Variants in CALCOCO1 observed in about 807,000 individuals in gnomAD.
CALCOCO1 encodes calcium-binding and coiled-coil domain-containing protein 1.
Under a neutral mutation model 86.3 loss-of-function variants are expected in CALCOCO1, and 44 were observed. That is an observed-to-expected ratio of 0.51 (90% CI 0.40 to 0.66). The LOEUF (loss-of-function observed/expected upper bound fraction) is 0.66, where lower values mean the gene tolerates loss of function less well. CALCOCO1 is among the 30% of genes least tolerant of loss of function. The pLI, the probability that CALCOCO1 is intolerant of heterozygous loss-of-function variation, is 0.00. For synonymous variants in CALCOCO1, 297 were observed against 327.6 expected, an observed-to-expected ratio of 0.91 and a Z score of 1.01; for missense variants, 708 against 851.1, an observed-to-expected ratio of 0.83 and a Z score of 2.09.
Position 53,712,043 on chromosome 12 carries a change from A to C in CALCOCO1, c.1977T>G (p.Cys659Trp). 1 of 1,612,434 alleles carries C rather than the reference A, an allele frequency of 6.2e-7. No homozygotes were observed. Among genetic ancestry groups the C allele is most frequent in the South Asian group, 1.1e-5 (1 of 90,774 alleles). ...CACTCTCAGCAGGAAAGCGCTCCTT[A>C]CAGATAGGACACTCCTTCCATGTGG... ...ATPTWKECPI[C>W]KERFPAESDK... The change falls in exon 15 of 15, where the codon TGT becomes TGG. Residue 659 changes from cysteine (C) to tryptophan (W), a missense_variant. By Grantham distance (215) the Cys-to-Trp change is radical. Transcript: ENST00000550804.
In CALCOCO1 at chr12:53,715,317, C is replaced by T. The variant is rs774658897; in HGVS notation, c.1269G>A (p.Lys423=). 6.2e-7 allele frequency: 1 copy of T among 1,614,014 alleles called. No individual in the cohort carries two copies. The highest frequency in any genetic ancestry group is 1.3e-5 in the African/African-American group (1 of 74,906). ...CTGCACTCAGCTTCAGGATCTTGTC[C>T]TTCTCTGCCTGAGAGATAGCCAAGA... is the stretch of plus-strand genomic sequence containing the variant. The part of the protein sequence containing the change: ...AGLLQSVEAE[K]DKILKLSAEI... The change falls in exon 10 of 15, where the codon AAG becomes AAA. Residue 423 remains lysine, a synonymous_variant. Transcript: ENST00000550804.
In CALCOCO1 at chr12:53,711,258, C is replaced by T. The variant is rs1593072322; in HGVS notation, c.*686G>A. The T allele has an allele frequency of 5.0e-6, 2 of 398,900 alleles. No homozygotes were observed. Among genetic ancestry groups the T allele is most frequent in the East Asian group, 3.6e-5 (1 of 28,078 alleles). The allele number at this position is 398,900 out of a possible 1,614,324, so 24.7% of individuals were successfully genotyped here. A position where few individuals can be genotyped will look rare whatever the true frequency, so the allele number is the denominator to read the frequency against. ...GGGACCACTTGTTCCCCCCATTCCT[C>T]ACAGAAGGCACAAATACATTATTTC... On this transcript the variant is annotated 3_prime_UTR_variant, in exon 15 of 15. Coordinates refer to ENST00000550804, the MANE Select transcript of CALCOCO1 (RefSeq NM_020898.3).
At chr12:53,715,624 G>T in intron 9 of CALCOCO1, 169 bp downstream of exon 9, 1 of 896,016 alleles carries the variant, frequency 1.1e-6, no homozygotes, top group Non-Finnish European at 1.7e-6. Flanking sequence ...TTAGGGATGG[G>T]TCATGCCTAG....
Position 53,710,373 on chromosome 12 carries a change from T to A in CALCOCO1, c.*1571A>T, listed in dbSNP as rs1593071535. The A allele has an allele frequency of 6.6e-6, 1 of 151,298 alleles. No homozygotes were observed. The highest frequency in any genetic ancestry group is 2.4e-5 in the African/African-American group (1 of 40,980). The allele number at this position is 151,298 out of a possible 1,614,324, so 9.4% of individuals were successfully genotyped here. A position where few individuals can be genotyped will look rare whatever the true frequency, so the allele number is the denominator to read the frequency against. On this transcript the variant is annotated 3_prime_UTR_variant, in exon 15 of 15. Transcript: ENST00000550804. The stretch of plus-strand genomic sequence containing the variant: ...GAATGGAGAAAGGGAATGGTGGGGG[T>A]GGTCCACACAGGGGCCCTGAAGGGA...
rs757191074 is a variant in CALCOCO1, at chr12:53,713,802, G to A, written c.1690C>T (p.Pro564Ser). 3.1e-6 allele frequency: 5 copies of A among 1,592,028 alleles called. No homozygotes were observed. The East Asian group carries it at 1.1e-4, about 36-fold the overall frequency. ...GGAGAAGCCTCTCGAGGCCCAGCAGGAGAGGAGCCTGGGTCTCCACGCTCA... is the reference window on the plus strand; with the variant it reads ...GGAGAAGCCTCTCGAGGCCCAGCAGAAGAGGAGCCTGGGTCTCCACGCTCA... ...LCERGDPGSSPAGPREASPLV... is the reference protein window; with the variant it reads ...LCERGDPGSSSAGPREASPLV... The change falls in exon 13 of 15, where the codon CCT becomes TCT. Residue 564 changes from proline (P) to serine (S), a missense_variant. Transcript: ENST00000550804.
intron 5 of CALCOCO1, 88 bp downstream of exon 5, chr12:53,721,937 C>A (rs778907243): frequency 1.4e-6 from 2 of 1,473,028 alleles, no homozygotes. Flanking sequence ...AGCCCACTAA[C>A]ATCTCTCCTT....
chr12:53,725,395 T>C (rs939919400), intron 1 of CALCOCO1, 129 bp from the exon 2 acceptor site: 35 of 606,068 alleles, frequency 5.8e-5, no homozygotes, highest in African/African-American at 3.8e-4. Flanking sequence ...TTCTAGTCCC[T>C]GAGGGTTACG....
intron 14 of CALCOCO1, 148 bp from the exon 15 acceptor site, chr12:53,712,269 C>T: frequency 1.5e-6 from 1 of 647,684 alleles, no homozygotes; most frequent in Non-Finnish European, 2.6e-6. Flanking sequence ...CAGCGTCTTT[C>T]TCCCCACAAT....
At position 53,727,245 on chromosome 12, in the gene CALCOCO1, C is replaced by T. The variant is rs576431289; in HGVS notation, c.-25+159G>A. On this transcript the variant is annotated intron_variant, in intron 1 of 14. Transcript: ENST00000550804. ...AGTCCCCTTGAAACCAAGAACTCCC[C>T]AAACAGCGGGGGTGGCTTCTCCAGT... Among the ~76,000 whole-genome samples, 5 of 152,334 alleles carry T rather than the reference C, an allele frequency of 3.3e-5. No individual in the cohort carries two copies. In the South Asian group the frequency reaches 1.0e-3, roughly 32 times the overall value.
chr12:53,708,876 GT>G lies in CALCOCO1; in HGVS notation c.*3067del, dbSNP rs1039722254. 6.6e-6 allele frequency: 1 copy of G among 152,254 alleles called. No individual in the cohort carries two copies. The highest frequency in any genetic ancestry group is 1.5e-5 in the Non-Finnish European group (1 of 68,050). The allele number at this position is 152,254 out of a possible 1,614,324, so 9.4% of individuals were successfully genotyped here. A position where few individuals can be genotyped will look rare whatever the true frequency, so the allele number is the denominator to read the frequency against. On this transcript the variant is annotated 3_prime_UTR_variant, in exon 15 of 15. Transcript: ENST00000550804. ...TTGAGCTAGGAGGAAAGTAGTGTATGTTTTTGTGGAATGGTTCTGTTATACT... is the reference window on the plus strand; with the variant it reads ...TTGAGCTAGGAGGAAAGTAGTGTATGTTTTGTGGAATGGTTCTGTTATACT...
intron 4 of CALCOCO1, chr12:53,723,047 T>C (rs1266979918): frequency 1.4e-5 from 5 of 352,572 alleles, no homozygotes; most frequent in South Asian, 2.2e-5. Flanking sequence ...ATAAAAATTA[T>C]TGAAGTCTTT....
At chr12:53,716,628 C>T (rs1461466650) in intron 7 of CALCOCO1, among the ~76,000 whole-genome samples, 2 of 152,206 alleles carry the variant, frequency 1.3e-5, no homozygotes, top group African/African-American at 4.8e-5. Context: ...TATCCAGCAT[C>T]GCAGCCTTGG....
At chr12:53,724,867 G>A in intron 2 of CALCOCO1, 120 bp from the exon 3 acceptor site, 1 of 872,948 alleles carries the variant, frequency 1.1e-6, no homozygotes, top group East Asian at 2.6e-5. Context: ...ACAATGACAA[G>A]AGAAAGGGAA....
rs575687978 is a variant in CALCOCO1, at chr12:53,715,562, A to G, written c.1260+231T>C. On this transcript the variant is annotated intron_variant, in intron 9 of 14. Coordinates refer to ENST00000550804, the MANE Select transcript of CALCOCO1 (RefSeq NM_020898.3). ...CAGGGCCTGGGGTCTAGGACAGAAA[A>G]TGTTTCTGTTCCAAGGAAGGTACTC... 766 of 741,186 alleles carry G rather than the reference A, an allele frequency of 1.0e-3. 2 individuals carry two copies. The highest frequency in any genetic ancestry group is 1.4e-3 in the Non-Finnish European group (660 of 465,018). 45.9% of individuals were successfully genotyped at this position (741,186 alleles called of 1,614,324 possible). A position where few individuals can be genotyped will look rare whatever the true frequency, so the allele number is the denominator to read the frequency against.
intron 7 of CALCOCO1, among the ~76,000 whole-genome samples, chr12:53,718,186 T>C (rs991494154): frequency 6.6e-6 from 1 of 152,038 alleles, no homozygotes; most frequent in Non-Finnish European, 1.5e-5. Flanking sequence ...AGTTGCAAGG[T>C]GGACAGTTTA....
chr12:53,715,528 G>A, intron 9 of CALCOCO1: 3 of 738,178 alleles, frequency 4.1e-6, no homozygotes, highest in Non-Finnish European at 6.5e-6. Flanking sequence ...TCAGGAATGG[G>A]CATTATGGCA....
At chr12:53,715,548 G>T in intron 9 of CALCOCO1, 1 of 732,500 alleles carries the variant, frequency 1.4e-6, no homozygotes, top group Non-Finnish European at 2.2e-6. Flanking sequence ...AGGGCCTGGG[G>T]TCTAGGACAG....
intron 6 of CALCOCO1, among the ~76,000 whole-genome samples, chr12:53,720,307 C>T (rs750589738): frequency 2.6e-5 from 4 of 152,170 alleles, no homozygotes; most frequent in Non-Finnish European, 5.9e-5. Context: ...AGTATGTAAA[C>T]GAATGAGCAT....
Position 53,714,321 on chromosome 12 carries a change from G to T in CALCOCO1, c.1483-80C>A, listed in dbSNP as rs763539277. 41 of 1,086,858 alleles carry T rather than the reference G, an allele frequency of 3.8e-5. No individual in the cohort carries two copies. The Middle Eastern group carries it at 8.4e-4, about 22-fold the overall frequency. 67.3% of individuals were successfully genotyped at this position (1,086,858 alleles called of 1,614,324 possible). ...GCTAGCCTGCAGAAGCTGCACCCAA[G>T]AAGAACTCTTAGCTCCTCAGCATTA... On this transcript the variant is annotated intron_variant, in intron 11 of 14. Transcript: ENST00000550804.
Sources: gnomAD v4.1 joint callset for allele counts (sites outside exome capture counted in the v4.1 genomes callset) on GRCh38, gnomAD v4.1.1 for gene constraint, MANE v1.5 for transcripts, NCBI Gene and HGNC (gene_info 2026-07-23, HGNC 2026-07-21) for gene names.